Variants in ATP8B1 observed in about 807,000 individuals in gnomAD.
ATP8B1 encodes the protein ATPase phospholipid transporting 8B1, also known as phospholipid-transporting ATPase IC.
ATP8B1 carries 80 observed loss-of-function variants against 149.9 expected under a neutral mutation model. The ratio of observed to expected loss-of-function variants is 0.53; its 90% CI spans 0.45 to 0.64. ATP8B1 has a LOEUF of 0.64. Among genes scored for constraint, ATP8B1 ranks in the 30% least tolerant of loss-of-function variants. The pLI is 0.00. For synonymous variants in ATP8B1, 536 were observed against 562.8 expected (o/e 0.95, Z 0.67); for missense variants, 1,247 against 1,552.6 (o/e 0.80, Z 3.31).
At position 57,784,810 on chromosome 18, in the gene ATP8B1, T is replaced by C. The variant is rs2080391277; in HGVS notation, c.-26+18188A>G. Among the ~76,000 whole-genome samples the C allele has an allele frequency of 6.6e-6, 1 of 152,184 alleles. No individual in the cohort carries two copies. The highest frequency in any genetic ancestry group is 1.5e-5 in the Non-Finnish European group (1 of 68,024). On this transcript the variant is annotated intron_variant, in intron 1 of 27. Coordinates refer to ENST00000648908, the MANE Select transcript of ATP8B1 (RefSeq NM_001374385.1). This position sits in a 1 kb window ranked among gnomAD's most constrained non-coding sequence, Gnocchi z 4.4. ...AGTGACGTTTTGGGTAAGATACTTCTTTGTTGTAGAGGCTGAGCTGCATAT... is the reference window on the plus strand; with the variant it reads ...AGTGACGTTTTGGGTAAGATACTTCCTTGTTGTAGAGGCTGAGCTGCATAT...
intron 2 of ATP8B1, among the ~76,000 whole-genome samples, chr18:57,710,584 A>G (rs1328928504): frequency 6.6e-6 from 1 of 152,206 alleles, no homozygotes; most frequent in African/African-American, 2.4e-5. Context: ...AACATCAAAA[A>G]GAAAAAAAAA....
In ATP8B1 at chr18:57,697,620, A is replaced by C. The variant is rs319438; in HGVS notation, c.696T>G (p.Asp232Glu). Residue 232 changes from aspartate to glutamate, a missense_variant and splice_region_variant, in exon 8 of 28, where the codon GAT (aspartate) becomes GAG (glutamate). This residue lies in a region of ATP8B1 where 853 missense variants were observed against 1,035.7 expected (regional missense o/e 0.82). Transcript: ENST00000648908. ...CAGGCCCATCGAGACACACTTACCC[A>C]TCCAGTTCTGCTGTTTCCACATAGC... ...SLCYVETAEL[D>E]GETNLKFKMS... 6.2e-7 allele frequency: 1 copy of C among 1,613,918 alleles called. No individual in the cohort carries two copies. Among genetic ancestry groups the C allele is most frequent in the South Asian group, 1.1e-5 (1 of 91,048 alleles).
intron 15 of ATP8B1, 126 bp downstream of exon 15, chr18:57,683,909 AT>A: frequency 8.1e-7 from 1 of 1,235,132 alleles, no homozygotes; most frequent in Non-Finnish European, 1.2e-6. Flanking sequence ...GTGCTGAGAA[AT>A]ATTCACTGCA....
chr18:57,650,384 G>C lies in ATP8B1; in HGVS notation c.3514C>G (p.Pro1172Ala). 1 of 1,613,632 alleles carries C rather than the reference G, an allele frequency of 6.2e-7. No homozygotes were observed. Among genetic ancestry groups the C allele is most frequent in the Non-Finnish European group, 8.5e-7 (1 of 1,179,714 alleles). The part of the protein sequence containing the change: ...AIRFLSMTIW[P>A]SESDKIQKHR... ...CTTTATACCTTATCACTTTCTGATG[G>C]CCAGATGGTCATTGACAGGAATCGA... is the stretch of plus-strand genomic sequence containing the variant. Residue 1172 changes from proline to alanine, a missense_variant, in exon 27 of 28, where the codon CCA becomes GCA. Physicochemically the swap from Pro to Ala is conservative, Grantham distance 27 (BLOSUM62 -1). Around this residue, in one of 3 missense-constraint regions of ATP8B1, gnomAD observed 164 missense variants for 160.3 expected, o/e 1.02. Transcript: ENST00000648908.
At chr18:57,731,408 C>T in intron 2 of ATP8B1, 8 of 461,552 alleles carry the variant, frequency 1.7e-5, no homozygotes, top group Middle Eastern at 3.8e-4. Flanking sequence ...TGTATTTTCT[C>T]TGCAGAACTT....
intron 22 of ATP8B1, among the ~76,000 whole-genome samples, chr18:57,655,902 C>T (rs1909965892): frequency 2.0e-5 from 3 of 152,208 alleles, no homozygotes; most frequent in African/African-American, 7.2e-5. Flanking sequence ...TCCCAGACTC[C>T]CTTGCAGCTA....
intron 1 of ATP8B1, among the ~76,000 whole-genome samples, chr18:57,778,223 T>G (rs1178449056): frequency 1.1e-5 from 1 of 88,712 alleles, no homozygotes; most frequent in East Asian, 4.7e-4. Context: ...TTTCTTTTTC[T>G]TTTTCTTTTT....
chr18:57,750,157 C>T lies in ATP8B1; in HGVS notation c.-25-18325G>A, dbSNP rs1009244950. 3.9e-5 allele frequency among the ~76,000 whole-genome samples: 6 copies of T among 152,122 alleles called. No individual in the cohort carries two copies. The East Asian group carries it at 1.2e-3, about 29-fold the overall frequency. ...ACTCAGAAGGCTGAAGTACAAAAAT[C>T]GCTTGAACCTGGGAGGTGGAGGTTG... On this transcript the variant is annotated intron_variant, in intron 1 of 27. Coordinates refer to ENST00000648908, the MANE Select transcript of ATP8B1 (RefSeq NM_001374385.1).
At chr18:57,749,437 G>A (rs1429219994) in intron 1 of ATP8B1, among the ~76,000 whole-genome samples, 1 of 152,164 alleles carries the variant, frequency 6.6e-6, no homozygotes, top group Non-Finnish European at 1.5e-5. Flanking sequence ...TCTCTTGAAT[G>A]CAACTGGACT....
chr18:57,696,691 A>G (rs939353640), intron 8 of ATP8B1, among the ~76,000 whole-genome samples: 5 of 152,310 alleles, frequency 3.3e-5, no homozygotes, highest in Middle Eastern at 3.4e-3. Flanking sequence ...CGAGGAGCAG[A>G]GGGAGCAATG....
chr18:57,712,547 G>T (rs1241467309), intron 2 of ATP8B1, among the ~76,000 whole-genome samples: 2 of 152,178 alleles, frequency 1.3e-5, no homozygotes, highest in Middle Eastern at 3.4e-3. Context: ...GTGCCCTGGG[G>T]CTCTAAATAA....
chr18:57,653,025 C>T (rs1909729787), intron 24 of ATP8B1, among the ~76,000 whole-genome samples: 1 of 152,106 alleles, frequency 6.6e-6, no homozygotes, highest in Non-Finnish European at 1.5e-5. Context: ...AGGGAGGCTA[C>T]TGTTTTTACC....
At chr18:57,685,791 A>G (rs1360398227) in intron 13 of ATP8B1, among the ~76,000 whole-genome samples, 1 of 151,692 alleles carries the variant, frequency 6.6e-6, no homozygotes, top group East Asian at 1.9e-4. Flanking sequence ...ATTAGCTGGG[A>G]ATGGTGGTTC....
rs778781391 is a variant in ATP8B1 at position 57,648,273 on chromosome 18, A to T, written c.*215T>A. 19 of 661,158 alleles carry T rather than the reference A, an allele frequency of 2.9e-5. No individual in the cohort carries two copies. Among genetic ancestry groups the T allele is most frequent in the African/African-American group, 5.4e-5 (3 of 55,736 alleles). 41.0% of individuals were successfully genotyped at this position (661,158 alleles called of 1,614,324 possible). A position where few individuals can be genotyped will look rare whatever the true frequency, so the allele number is the denominator to read the frequency against. ...AGTGCTGGGATTACAGACCTGAGCCACCACGCCCGGCCGAATAATAGGACT... is the reference window on the plus strand; with the variant it reads ...AGTGCTGGGATTACAGACCTGAGCCTCCACGCCCGGCCGAATAATAGGACT... On this transcript the variant is annotated 3_prime_UTR_variant, in exon 28 of 28. Transcript: ENST00000648908.
intron 2 of ATP8B1, among the ~76,000 whole-genome samples, chr18:57,710,229 C>T (rs1253636551): frequency 6.6e-5 from 10 of 152,134 alleles, no homozygotes; most frequent in Admixed American, 2.0e-4. Flanking sequence ...GGCCCTTTAG[C>T]TAAAAGCTAC....
chr18:57,730,082 C>T (rs1303048341), intron 2 of ATP8B1, among the ~76,000 whole-genome samples: 1 of 152,152 alleles, frequency 6.6e-6, no homozygotes. Context: ...ATGCACTCCC[C>T]ACACTGAGAA....
At chr18:57,656,694 T>C (rs1342621481) in intron 22 of ATP8B1, among the ~76,000 whole-genome samples, 1 of 149,572 alleles carries the variant, frequency 6.7e-6, no homozygotes, top group African/African-American at 2.5e-5. Flanking sequence ...ATATATTTCT[T>C]CCTGAAGATT....
At chr18:57,655,138 T>G in intron 23 of ATP8B1, 56 bp downstream of exon 23, 1 of 1,488,546 alleles carries the variant, frequency 6.7e-7, no homozygotes, top group Non-Finnish European at 9.3e-7. Context: ...GAACTAGATT[T>G]TTATTCATTT....
At chr18:57,678,183 C>T (rs1426802177) in intron 15 of ATP8B1, among the ~76,000 whole-genome samples, 5 of 152,166 alleles carry the variant, frequency 3.3e-5, no homozygotes, top group Admixed American at 2.6e-4. Context: ...AGACCACATA[C>T]CTACCACATG....
Sources: allele counts gnomAD v4.1 joint callset (sites outside exome capture counted in the v4.1 genomes callset), GRCh38; gene constraint gnomAD v4.1.1; regional missense constraint gnomAD v4.1.1; non-coding constraint Gnocchi (gnomAD v3.1); transcripts MANE v1.5; gene names NCBI Gene and HGNC (gene_info 2026-07-23, HGNC 2026-07-21).